PKD1L1: variants seen among roughly 807,000 people sequenced by gnomAD.
PKD1L1 encodes the protein polycystin 1 like 1, transient receptor potential channel interacting, also known as polycystin-1-like protein 1.
A neutral mutation model predicts 323.4 loss-of-function variants in PKD1L1; 236 were observed. The observed-to-expected ratio is 0.73, with a 90% CI of 0.66 to 0.81. The LOEUF is 0.81. Ranked by LOEUF, PKD1L1 falls within the 40% of genes least tolerant of loss-of-function variation. The pLI, the probability that PKD1L1 is intolerant of heterozygous loss-of-function variation, is 0.00. For missense variants in PKD1L1, 3,320 were observed against 3,508.0 expected (o/e 0.95, Z 1.35); for synonymous variants, 1,344 against 1,335.0 (o/e 1.01, Z -0.15).
intron 1 of PKD1L1, among the ~76,000 whole-genome samples, chr7:47,944,865 A>T (rs1458485070): frequency 2.6e-5 from 4 of 152,192 alleles, no homozygotes; most frequent in African/African-American, 7.2e-5. Flanking sequence ...GCAGCGAGTG[A>T]AATAGTCCTG....
chr7:47,873,541 GGAGGCT>G (rs1433101017), intron 24 of PKD1L1, among the ~76,000 whole-genome samples: 1 of 151,168 alleles, frequency 6.6e-6, no homozygotes, highest in African/African-American at 2.4e-5. Flanking sequence ...CAGCTACTCA[GGAGGCT>G]GAGGCAGGAG....
At position 47,817,725 on chromosome 7, in the gene PKD1L1, C is replaced by T. The variant is rs118088127; in HGVS notation, c.6966-2268G>A. 3.4e-3 allele frequency among the ~76,000 whole-genome samples: 518 copies of T among 152,150 alleles called. 1 individual carries two copies. Among genetic ancestry groups the T allele is most frequent in the Non-Finnish European group, 5.1e-3 (347 of 67,992 alleles). On this transcript the variant is annotated intron_variant, in intron 46 of 56. Transcript: ENST00000289672. The stretch of plus-strand genomic sequence containing the variant: ...TCTTTACTAAAAACACTAAAATTAG[C>T]CAGACATGGTGATGGGCGCCTGTAG...
intron 56 of PKD1L1, among the ~76,000 whole-genome samples, chr7:47,780,493 G>A (rs922012212): frequency 1.3e-5 from 2 of 152,090 alleles, no homozygotes; most frequent in Admixed American, 6.5e-5. Context: ...TTAGCCAGGC[G>A]TGGTGGTGTG....
At position 47,814,219 on chromosome 7, in the gene PKD1L1, A is replaced by G. The variant is rs556052488; in HGVS notation, c.7090-205T>C. On this transcript the variant is annotated intron_variant, in intron 47 of 56. Coordinates refer to ENST00000289672, the MANE Select transcript of PKD1L1 (RefSeq NM_138295.5). ...CAACCTCCCCAGACTTGTCCTGGAA[A>G]AGGGTTAACGTTCAAATGGTGTTCG... is the stretch of plus-strand genomic sequence containing the variant. Among the ~76,000 whole-genome samples, 384 of 152,360 alleles carry G rather than the reference A, an allele frequency of 2.5e-3. 1 individual carries two copies. The highest frequency in any genetic ancestry group is 3.9e-3 in the Non-Finnish European group (263 of 68,042).
rs369271106 is a variant in PKD1L1 at position 47,837,015 on chromosome 7, C to T, written c.5849G>A (p.Arg1950His). Residue 1950 changes from arginine (R) to histidine (H), a missense_variant, in exon 37 of 57, where the codon CGC becomes CAC. Arg to His is a conservative substitution (Grantham distance 29). Coordinates refer to ENST00000289672, the MANE Select transcript of PKD1L1 (RefSeq NM_138295.5). ...LSVYSRPSSSRYLHTPRLTVS... is the reference protein window; with the variant it reads ...LSVYSRPSSSHYLHTPRLTVS... ...GGTGAGGCGCGGCGTGTGCAGGTAGCGGCTGGAGGAGGGCCTGCTGTACAC... is the reference window on the plus strand; with the variant it reads ...GGTGAGGCGCGGCGTGTGCAGGTAGTGGCTGGAGGAGGGCCTGCTGTACAC... The T allele has an allele frequency of 1.9e-5, 31 of 1,613,950 alleles. No individual in the cohort carries two copies. The highest frequency in any genetic ancestry group is 2.7e-5 in the African/African-American group (2 of 74,922).
At chr7:47,863,630 G>A (rs1349246072) in intron 26 of PKD1L1, among the ~76,000 whole-genome samples, 2 of 152,200 alleles carry the variant, frequency 1.3e-5, no homozygotes, top group Non-Finnish European at 2.9e-5. Flanking sequence ...ATGGGGAGCA[G>A]AAGGTGTCCA....
At chr7:47,810,714 A>G (rs1784874867) in intron 50 of PKD1L1, among the ~76,000 whole-genome samples, 1 of 152,208 alleles carries the variant, frequency 6.6e-6, no homozygotes, top group Non-Finnish European at 1.5e-5. Context: ...AAAGTCAACT[A>G]CAGGCAGAAA....
chr7:47,960,185 A>G, the PKD1L1 span, among the ~76,000 whole-genome samples: 9 of 149,696 alleles, frequency 6.0e-5, no homozygotes, highest in African/African-American at 2.0e-4. Context: ...GCTCGTTAAG[A>G]GTCATCACCA....
intron 8 of PKD1L1, among the ~76,000 whole-genome samples, chr7:47,913,648 C>T (rs529665675): frequency 4.9e-4 from 74 of 152,274 alleles, no homozygotes; most frequent in African/African-American, 1.5e-3. Context: ...GTTCCCTGTT[C>T]GCTTTCTGCC....
intron 24 of PKD1L1, among the ~76,000 whole-genome samples, chr7:47,870,168 A>G (rs1251492409): frequency 7.5e-6 from 1 of 133,882 alleles, no homozygotes; most frequent in Non-Finnish European, 1.6e-5. Flanking sequence ...TTTCACCTTA[A>G]GAAACAACAA....
chr7:47,901,769 T>A (rs1329225960), intron 13 of PKD1L1, among the ~76,000 whole-genome samples: 2 of 152,178 alleles, frequency 1.3e-5, no homozygotes, highest in African/African-American at 4.8e-5. Flanking sequence ...AGAAAGCAGT[T>A]TAGCAAATGC....
intron 32 of PKD1L1, among the ~76,000 whole-genome samples, chr7:47,846,374 CAG>C (rs1470898114): frequency 6.6e-6 from 1 of 152,170 alleles, no homozygotes; most frequent in African/African-American, 2.4e-5. Flanking sequence ...CATGTTTGCG[CAG>C]AGACTTTTCT....
At chr7:47,942,439 G>A (rs867232823) in intron 2 of PKD1L1, among the ~76,000 whole-genome samples, 5 of 139,026 alleles carry the variant, frequency 3.6e-5, no homozygotes, top group African/African-American at 5.3e-5. Context: ...CTCCTGCCCC[G>A]CGCCCCCGCC....
intron 9 of PKD1L1, 106 bp downstream of exon 9, chr7:47,907,971 A>T: frequency 4.6e-6 from 5 of 1,096,746 alleles, no homozygotes; most frequent in Non-Finnish European, 6.3e-6. Context: ...AGGATGTTGT[A>T]TCAAATTTAG....
At chr7:47,901,512 C>G (rs1384965102) in intron 13 of PKD1L1, among the ~76,000 whole-genome samples, 1 of 152,162 alleles carries the variant, frequency 6.6e-6, no homozygotes, top group Non-Finnish European at 1.5e-5. Context: ...AGGGTCTGTG[C>G]TTTTTCCTGC....
intron 19 of PKD1L1, among the ~76,000 whole-genome samples, chr7:47,883,816 G>A (rs994529313): frequency 2.6e-5 from 4 of 152,226 alleles, no homozygotes; most frequent in East Asian, 3.9e-4. Flanking sequence ...GCCATTTATC[G>A]ATTCATTCAT....
intron 13 of PKD1L1, among the ~76,000 whole-genome samples, chr7:47,901,626 G>A (rs1018507316): frequency 3.9e-5 from 6 of 152,198 alleles, no homozygotes; most frequent in African/African-American, 1.4e-4. Flanking sequence ...GGTGCTCGCT[G>A]GTCTAAAGGT....
At chr7:47,892,530 T>G (rs1786843525) in intron 15 of PKD1L1, among the ~76,000 whole-genome samples, 1 of 152,022 alleles carries the variant, frequency 6.6e-6, no homozygotes, top group Non-Finnish European at 1.5e-5. Context: ...TCTGACTGTT[T>G]TAAAAGAATC....
In PKD1L1 at chr7:47,866,694, G is replaced by A. The variant is rs369766924; in HGVS notation, c.3897-80C>T. On this transcript the variant is annotated intron_variant, in intron 24 of 56. Coordinates refer to ENST00000289672, the MANE Select transcript of PKD1L1 (RefSeq NM_138295.5). ...ACCCTGACTACCAAGAGTGGGATGG[G>A]ATTTGTTGCAAAAATACCTCTTGGA... is the stretch of plus-strand genomic sequence containing the variant. 9.8e-5 allele frequency: 121 copies of A among 1,238,074 alleles called. No individual in the cohort carries two copies. In the Middle Eastern group the frequency reaches 1.4e-3, roughly 14 times the overall value. 76.7% of individuals were successfully genotyped at this position (1,238,074 alleles called of 1,614,324 possible). A position where few individuals can be genotyped will look rare whatever the true frequency, so the allele number is the denominator to read the frequency against.
Sources: allele counts gnomAD v4.1 joint callset (sites outside exome capture counted in the v4.1 genomes callset), GRCh38; gene constraint gnomAD v4.1.1; transcripts MANE v1.5; gene names NCBI Gene and HGNC (gene_info 2026-07-23, HGNC 2026-07-21).